DNA2: variants seen among roughly 807,000 people sequenced by gnomAD.
DNA2 encodes the protein DNA replication helicase/nuclease 2.
In DNA2, 101 loss-of-function variants were observed where a neutral mutation model predicts 119.1. That is an observed-to-expected ratio of 0.85 (90% CI 0.72 to 1.00). The LOEUF (loss-of-function observed/expected upper bound fraction) is 1.00. DNA2 is among the 50% of genes least tolerant of loss of function. The pLI is 0.00. For missense variants in DNA2, 1,121 were observed against 1,255.5 expected (o/e 0.89, Z 1.62); for synonymous variants, 366 against 424.4 (o/e 0.86, Z 1.69).
In DNA2 at chr10:68,471,908, A is replaced by G. The variant is rs2133455544; in HGVS notation, c.-44T>C. On this transcript the variant is annotated 5_prime_UTR_variant, in exon 1 of 21. Coordinates refer to ENST00000358410, the MANE Select transcript of DNA2 (RefSeq NM_001080449.3). Reference sequence around the variant, plus strand: ...AAACTGTAGACAGAAAAGACAGCGGAACCGGGGGTAACACAGAAAGCTTAG... The same window carrying G: ...AAACTGTAGACAGAAAAGACAGCGGGACCGGGGGTAACACAGAAAGCTTAG... 6.2e-7 allele frequency: 1 copy of G among 1,613,868 alleles called. No individual in the cohort carries two copies. Among genetic ancestry groups the G allele is most frequent in the East Asian group, 2.2e-5 (1 of 44,862 alleles).
At chr10:68,417,619 C>G (rs1452693883) in intron 19 of DNA2, among the ~76,000 whole-genome samples, 1 of 145,550 alleles carries the variant, frequency 6.9e-6, no homozygotes, top group Non-Finnish European at 1.5e-5. Flanking sequence ...TGCCATTGCA[C>G]TCCAGTCTGG....
chr10:68,459,391 A>C (rs575371630), intron 4 of DNA2, among the ~76,000 whole-genome samples, 156 bp from the exon 5 acceptor site: 44 of 152,250 alleles, frequency 2.9e-4, no homozygotes, highest in Non-Finnish European at 5.6e-4. Context: ...ATGGATAAAC[A>C]AAATGTGGCA....
chr10:68,466,709 G>A (rs946716852), intron 3 of DNA2, among the ~76,000 whole-genome samples: 2 of 151,668 alleles, frequency 1.3e-5, no homozygotes, highest in Non-Finnish European at 2.9e-5. Context: ...CTCCCGAGTA[G>A]CTGGGACTAC....
intron 17 of DNA2, among the ~76,000 whole-genome samples, chr10:68,420,982 A>C (rs555972985): frequency 6.6e-6 from 1 of 151,238 alleles, no homozygotes; most frequent in Non-Finnish European, 1.5e-5. Flanking sequence ...TCTGTCACCC[A>C]GGTTGGAGTG....
chr10:68,448,956 T>C (rs2052078136), intron 6 of DNA2, among the ~76,000 whole-genome samples: 1 of 126,910 alleles, frequency 7.9e-6, no homozygotes, highest in Non-Finnish European at 1.6e-5. Context: ...TGTGTGTGTG[T>C]GTGTGTGTGT....
intron 9 of DNA2, among the ~76,000 whole-genome samples, chr10:68,437,523 G>A (rs566328567): frequency 3.3e-5 from 5 of 151,692 alleles, no homozygotes; most frequent in East Asian, 1.9e-4. Flanking sequence ...GGTGGTGCTC[G>A]CCCGTAATCC....
At chr10:68,466,703 C>G (rs1038310397) in intron 3 of DNA2, among the ~76,000 whole-genome samples, 5 of 151,742 alleles carry the variant, frequency 3.3e-5, no homozygotes, top group African/African-American at 9.7e-5. Flanking sequence ...CTCAGCCTCC[C>G]GAGTAGCTGG....
At chr10:68,423,463 A>T (rs1490356478) in intron 14 of DNA2, among the ~76,000 whole-genome samples, 2 of 152,180 alleles carry the variant, frequency 1.3e-5, no homozygotes, top group Non-Finnish European at 2.9e-5. Context: ...AAACAGCTGC[A>T]ACCAAAGTCT....
chr10:68,434,013 G>A (rs971241960), intron 10 of DNA2, among the ~76,000 whole-genome samples: 1 of 152,160 alleles, frequency 6.6e-6, no homozygotes, highest in South Asian at 2.1e-4. Context: ...GGTGGCTCAC[G>A]CCTGTAATCC....
intron 14 of DNA2, among the ~76,000 whole-genome samples, chr10:68,427,892 G>C (rs2051763817): frequency 6.6e-6 from 1 of 151,554 alleles, no homozygotes. Context: ...AATTAGCCAG[G>C]CGTGGTGGCG....
intron 9 of DNA2, among the ~76,000 whole-genome samples, chr10:68,437,758 T>G (rs1218519400): frequency 1.3e-5 from 2 of 152,124 alleles, no homozygotes; most frequent in African/African-American, 4.8e-5. Context: ...TAAGTAAACA[T>G]TCTCTTAGTT....
intron 14 of DNA2, among the ~76,000 whole-genome samples, chr10:68,423,399 T>G (rs2051692819): frequency 6.6e-6 from 1 of 152,002 alleles, no homozygotes. Flanking sequence ...TCTTTTTGCC[T>G]CATAGATCCC....
chr10:68,421,015 C>T (rs1001685092), intron 17 of DNA2, among the ~76,000 whole-genome samples: 3 of 151,774 alleles, frequency 2.0e-5, no homozygotes, highest in Admixed American at 6.6e-5. Flanking sequence ...CTCGGCTCAC[C>T]GCAACCTCCG....
chr10:68,425,637 G>A (rs909656078), intron 14 of DNA2, among the ~76,000 whole-genome samples: 4 of 151,810 alleles, frequency 2.6e-5, no homozygotes, highest in Admixed American at 6.6e-5. Context: ...TCCTGACCTC[G>A]TGATCCGCCT....
Position 68,417,650 on chromosome 10 carries a change from C to T in DNA2, c.2968-795G>A, listed in dbSNP as rs796735139. On this transcript the variant is annotated intron_variant, in intron 19 of 20. Coordinates refer to ENST00000358410, the MANE Select transcript of DNA2 (RefSeq NM_001080449.3). The stretch of plus-strand genomic sequence containing the variant: ...TCTGGGTAACAGAGCCAGATCTCAT[C>T]TCAAAAAAAAAAAAAAAAAATCAAA... 2.9e-4 allele frequency among the ~76,000 whole-genome samples: 26 copies of T among 88,922 alleles called. 3 individuals carry two copies. Among genetic ancestry groups the T allele is most frequent in the African/African-American group, 8.9e-4 (26 of 29,154 alleles). 58.3% of individuals were successfully genotyped at this position (88,922 alleles called of 152,430 possible).
At chr10:68,440,839 A>C (rs2051958141) in intron 9 of DNA2, among the ~76,000 whole-genome samples, 1 of 152,306 alleles carries the variant, frequency 6.6e-6, no homozygotes, top group South Asian at 2.1e-4. Flanking sequence ...GCAAAGAAAA[A>C]ATGAAGCTAA....
In DNA2 at chr10:68,443,039, C is replaced by G; in HGVS notation, c.1293G>C (p.Gln431His). The change falls in exon 9 of 21, where the codon CAG becomes CAC. Residue 431 changes from glutamine (Q) to histidine (H), a missense_variant. By Grantham distance (24) the Gln-to-His change is conservative. Coordinates refer to ENST00000358410, the MANE Select transcript of DNA2 (RefSeq NM_001080449.3). ...VMLPKIEEET[Q>H]HLKQTHLEYF... ...ATTCTAAGTGTGTTTGCTTCAGATGCTGGGTTTCTTCTTCTATTTTGGGCA... is the reference window on the plus strand; with the variant it reads ...ATTCTAAGTGTGTTTGCTTCAGATGGTGGGTTTCTTCTTCTATTTTGGGCA... 6.2e-7 allele frequency: 1 copy of G among 1,601,196 alleles called. No individual in the cohort carries two copies. The highest frequency in any genetic ancestry group is 8.5e-7 in the Non-Finnish European group (1 of 1,173,078).
rs986643997 is a variant in DNA2 at position 68,459,653 on chromosome 10, A to G, written c.588-418T>C. ...GGGCACAAAGCTTCAGTTTGGGAAGATGCAAAGAGTTCTGGAGATAGATAG... is the reference window on the plus strand; with the variant it reads ...GGGCACAAAGCTTCAGTTTGGGAAGGTGCAAAGAGTTCTGGAGATAGATAG... On this transcript the variant is annotated intron_variant, in intron 4 of 20. Coordinates refer to ENST00000358410, the MANE Select transcript of DNA2 (RefSeq NM_001080449.3). 5.9e-5 allele frequency among the ~76,000 whole-genome samples: 9 copies of G among 152,286 alleles called. No homozygotes were observed. The East Asian group carries it at 1.7e-3, about 29-fold the overall frequency.
chr10:68,443,762 A>C (rs2133399790), intron 8 of DNA2, among the ~76,000 whole-genome samples: 1 of 152,226 alleles, frequency 6.6e-6, no homozygotes, highest in Admixed American at 6.6e-5. Context: ...CAGCCTGGGC[A>C]ACACACGGTG....
Sources: gnomAD v4.1 joint callset for allele counts (sites outside exome capture counted in the v4.1 genomes callset) on GRCh38, gnomAD v4.1.1 for gene constraint, MANE v1.5 for transcripts, NCBI Gene and HGNC (gene_info 2026-07-23, HGNC 2026-07-21) for gene names.